SIGLEC11: variants seen among roughly 807,000 people sequenced by gnomAD.
SIGLEC11 encodes the protein sialic acid binding Ig like lectin 11, also known as sialic acid-binding Ig-like lectin 11.
In SIGLEC11, 47 loss-of-function variants were observed where a neutral mutation model predicts 61.2. The observed-to-expected ratio is 0.77, with a 90% CI of 0.61 to 0.98. The LOEUF is 0.98. Ranked by LOEUF, SIGLEC11 falls within the 50% of genes least tolerant of loss-of-function variation. The pLI, the probability that SIGLEC11 is intolerant of heterozygous loss-of-function variation, is 0.00. For missense variants in SIGLEC11, 610 were observed against 870.3 expected (o/e 0.70, Z 3.76); for synonymous variants, 278 against 373.1 (o/e 0.75, Z 2.94).
chr19:49,955,808 G>A lies in SIGLEC11; in HGVS notation c.1651+2475C>T, dbSNP rs373651322. 1.2e-4 allele frequency among the ~76,000 whole-genome samples: 18 copies of A among 152,092 alleles called. No individual in the cohort carries two copies. Among genetic ancestry groups the A allele is most frequent in the Middle Eastern group, 3.4e-3 (1 of 294 alleles). ...AAATTAGCCGGGCTTGGTGGCGGGC[G>A]CCTGTAGTCCCAGCTACTCGGGAGG... On this transcript the variant is annotated intron_variant, in intron 8 of 10. Coordinates refer to ENST00000447370, the MANE Select transcript of SIGLEC11 (RefSeq NM_052884.3). The surrounding 1 kb of genome is among the most constrained non-coding windows in gnomAD (Gnocchi z 4.5).
intron 8 of SIGLEC11, among the ~76,000 whole-genome samples, 153 bp downstream of exon 8, chr19:49,958,130 A>G (rs2076210735): frequency 6.6e-6 from 1 of 152,186 alleles, no homozygotes. Flanking sequence ...TCCGTTCCTC[A>G]GTTTCCCGCA....
chr19:49,950,259 G>C, intron 10 of SIGLEC11, 23 bp from the exon 11 acceptor site: 1 of 1,531,622 alleles, frequency 6.5e-7, no homozygotes, highest in South Asian at 1.2e-5. Context: ...GAGAAAGGGG[G>C]TCAAATTAGG....
In SIGLEC11 at chr19:49,949,781, A is replaced by G. The variant is rs2076145998; in HGVS notation, c.*189T>C. 2 of 475,492 alleles carry G rather than the reference A, an allele frequency of 4.2e-6. No homozygotes were observed. Among genetic ancestry groups the G allele is most frequent in the Non-Finnish European group, 6.6e-6 (2 of 300,984 alleles). 29.5% of individuals were successfully genotyped at this position (475,492 alleles called of 1,614,324 possible). A position where few individuals can be genotyped will look rare whatever the true frequency, so the allele number is the denominator to read the frequency against. ...CACTTCAACCTGGCAGGTTGAGGCT[A>G]CAGTGAGCTGAGATTGCACCACTGG... On this transcript the variant is annotated 3_prime_UTR_variant, in exon 11 of 11. Coordinates refer to ENST00000447370, the MANE Select transcript of SIGLEC11 (RefSeq NM_052884.3).
intron 8 of SIGLEC11, among the ~76,000 whole-genome samples, chr19:49,958,070 G>A (rs2076210398): frequency 6.6e-6 from 1 of 152,008 alleles, no homozygotes; most frequent in Admixed American, 6.6e-5. Context: ...AATCCACTAA[G>A]CTGGAACTTA....
rs777031381 is a variant in SIGLEC11 at position 49,958,349 on chromosome 19, T to C, written c.1585A>G (p.Arg529Gly). 4 of 1,614,202 alleles carry C rather than the reference T, an allele frequency of 2.5e-6. No individual in the cohort carries two copies. In the Admixed American group the frequency reaches 5.0e-5, roughly 20 times the overall value. ...SLHGGLSSGL[R>G]LRCKAWNVHG... ...ACGTTCCAGGCCTTACAGCGGAGCC[T>C]GAGGCCGGAGCTGAGCCCTCCATGG... Residue 529 changes from arginine to glycine, a missense_variant, in exon 8 of 11, where the codon AGG (arginine) becomes GGG (glycine). By Grantham distance (125) the Arg-to-Gly change is moderately radical (BLOSUM62 -2). Transcript: ENST00000447370.
At position 49,952,392 on chromosome 19, in the gene SIGLEC11, T is replaced by C; in HGVS notation, c.1654A>G (p.Lys552Glu). Residue 552 changes from lysine to glutamate, a missense_variant and splice_region_variant, in exon 9 of 11, where the codon AAG becomes GAG. By Grantham distance (56) the Lys-to-Glu change is moderately conservative. Transcript: ENST00000447370. ...CCAAGTCCTCCCCCATGCTCCAGCTTCCCTGCATGGGAGCAGGGTTTGGGG... is the reference window on the plus strand; with the variant it reads ...CCAAGTCCTCCCCCATGCTCCAGCTCCCCTGCATGGGAGCAGGGTTTGGGG... ...SGSVFQLLPG[K>E]LEHGGGLGLG... The C allele has an allele frequency of 6.2e-7, 1 of 1,604,840 alleles. No individual in the cohort carries two copies. The highest frequency in any genetic ancestry group is 8.5e-7 in the Non-Finnish European group (1 of 1,179,516).
chr19:49,955,791 C>T lies in SIGLEC11; in HGVS notation c.1651+2492G>A, dbSNP rs149359449. Among the ~76,000 whole-genome samples the T allele has an allele frequency of 5.1e-3, 781 of 152,100 alleles. 7 individuals are homozygous for T. Among genetic ancestry groups the T allele is most frequent in the African/African-American group, 0.017 (725 of 41,492 alleles). On this transcript the variant is annotated intron_variant, in intron 8 of 10. Transcript: ENST00000447370. The surrounding 1 kb of genome is among the most constrained non-coding windows in gnomAD (Gnocchi z 4.5). ...CTAGTAAAAATACAAAAAAATTAGC[C>T]GGGCTTGGTGGCGGGCGCCTGTAGT...
chr19:49,954,813 C>G (rs2076184700), intron 8 of SIGLEC11, among the ~76,000 whole-genome samples: 1 of 152,142 alleles, frequency 6.6e-6, no homozygotes, highest in Non-Finnish European at 1.5e-5. Flanking sequence ...CAGGCATACA[C>G]TCAAGGTCAG....
intron 10 of SIGLEC11, among the ~76,000 whole-genome samples, chr19:49,950,744 C>T (rs1477292374): frequency 2.0e-5 from 3 of 152,166 alleles, no homozygotes; most frequent in African/African-American, 4.8e-5. Context: ...GAAGTAGACA[C>T]ATTAAAGCTA....
Position 49,955,892 on chromosome 19 carries a change from G to A in SIGLEC11, c.1651+2391C>T, listed in dbSNP as rs965958485. On this transcript the variant is annotated intron_variant, in intron 8 of 10. Transcript: ENST00000447370. This position sits in a 1 kb window ranked among gnomAD's most constrained non-coding sequence, Gnocchi z 4.5. Reference sequence around the variant, plus strand: ...GGAGCTTGCAGTGAGCAGAGATGGCGCCACTGCACTCCAGCCAGGGCAACA... The same window carrying A: ...GGAGCTTGCAGTGAGCAGAGATGGCACCACTGCACTCCAGCCAGGGCAACA... 4.1e-5 allele frequency among the ~76,000 whole-genome samples: 6 copies of A among 147,374 alleles called. No homozygotes were observed. Among genetic ancestry groups the A allele is most frequent in the African/African-American group, 1.3e-4 (5 of 39,334 alleles).
chr19:49,961,171 C>T lies in SIGLEC11; in HGVS notation c.-90G>A, dbSNP rs1326448079. ...GTGACCATCCACAGAGGAGGAGCCTCGGGAACCGCTATGTCCTGAAAGCTC... is the reference window on the plus strand; with the variant it reads ...GTGACCATCCACAGAGGAGGAGCCTTGGGAACCGCTATGTCCTGAAAGCTC... On this transcript the variant is annotated 5_prime_UTR_variant, in exon 1 of 11. Coordinates refer to ENST00000447370, the MANE Select transcript of SIGLEC11 (RefSeq NM_052884.3). The T allele has an allele frequency of 2.2e-5, 33 of 1,512,454 alleles. No individual in the cohort carries two copies. The highest frequency in any genetic ancestry group is 2.4e-5 in the East Asian group (1 of 40,828). The allele number at this position is 1,512,454 out of a possible 1,614,324, so 93.7% of individuals were successfully genotyped here.
At position 49,949,284 on chromosome 19, in the gene SIGLEC11, C is replaced by G. The variant is rs62126306; in HGVS notation, c.*686G>C. ...TACAGGCGTGAGCCACCATGCCCAG[C>G]CTTTTTTTTTTTTTTAAATGTTCAA... On this transcript the variant is annotated 3_prime_UTR_variant, in exon 11 of 11. Transcript: ENST00000447370. 1 of 149,542 alleles carries G rather than the reference C, an allele frequency of 6.7e-6. No individual in the cohort carries two copies. Among genetic ancestry groups the G allele is most frequent in the Non-Finnish European group, 1.5e-5 (1 of 67,900 alleles). The allele number at this position is 149,542 out of a possible 1,614,324, so 9.3% of individuals were successfully genotyped here.
At position 49,958,889 on chromosome 19, in the gene SIGLEC11, G is replaced by A; in HGVS notation, c.1117C>T (p.Leu373Phe). ...ACCGGGAGGGATGTGCCGTTCCCGAGGTTTTCCAGGACTAGGGAAGGAAGA... is the reference window on the plus strand; with the variant it reads ...ACCGGGAGGGATGTGCCGTTCCCGAAGTTTTCCAGGACTAGGGAAGGAAGA... ...SQANRTVLEN[L>F]GNGTSLPVLE... The change falls in exon 7 of 11, where the codon CTC becomes TTC. Residue 373 changes from leucine to phenylalanine, a missense_variant. Coordinates refer to ENST00000447370, the MANE Select transcript of SIGLEC11 (RefSeq NM_052884.3). The A allele has an allele frequency of 1.2e-6, 2 of 1,600,996 alleles. No homozygotes were observed. Among genetic ancestry groups the A allele is most frequent in the South Asian group, 1.1e-5 (1 of 89,540 alleles).
chr19:49,952,427 C>T lies in SIGLEC11; in HGVS notation c.1652-33G>A, dbSNP rs1456739334. ...GGAGCAGGGTTTGGGGTGGTGCCCT[C>T]CTGGCCCTGAGACCCTCCTGCCCCT... On this transcript the variant is annotated intron_variant, in intron 8 of 10. Coordinates refer to ENST00000447370, the MANE Select transcript of SIGLEC11 (RefSeq NM_052884.3). The T allele has an allele frequency of 2.6e-6, 4 of 1,565,048 alleles. No homozygotes were observed. The South Asian group carries it at 4.5e-5, about 18-fold the overall frequency.
Position 49,958,772 on chromosome 19 carries a change from G to A in SIGLEC11, c.1234C>T (p.Pro412Ser), listed in dbSNP as rs2076218354. ...SWTRWGQTVG[P>S]SQPSDPGVLE... ...ACCCCGGGGTCTGAGGGCTGGGAGG[G>A]GCCCACGGTCTGTCCCCACCGGGTC... Residue 412 changes from proline to serine, a missense_variant, in exon 7 of 11, where the codon CCC becomes TCC. By Grantham distance (74) the Pro-to-Ser change is moderately conservative. This residue lies in a region of SIGLEC11 where 432 missense variants were observed against 441.5 expected (regional missense o/e 0.98). Coordinates refer to ENST00000447370, the MANE Select transcript of SIGLEC11 (RefSeq NM_052884.3). The A allele has an allele frequency of 6.2e-7, 1 of 1,613,826 alleles. No homozygotes were observed. Among genetic ancestry groups the A allele is most frequent in the Non-Finnish European group, 8.5e-7 (1 of 1,179,878 alleles).
At chr19:49,952,096 G>A (rs2076162181) in intron 9 of SIGLEC11, 124 bp from the exon 10 acceptor site, 1 of 1,066,726 alleles carries the variant, frequency 9.4e-7, no homozygotes, top group Non-Finnish European at 1.3e-6. Flanking sequence ...CATATCCACG[G>A]GGTGACTTCC....
Position 49,959,131 on chromosome 19 carries a change from T to C in SIGLEC11, c.1058-54A>G, listed in dbSNP as rs1238198848. On this transcript the variant is annotated intron_variant, in intron 5 of 10. Transcript: ENST00000447370. ...GACAGACCAGGGGCTTCCCTCTGGG[T>C]AAAGGGAACTATCCTGGACACTGAG... The C allele has an allele frequency of 1.9e-4, 302 of 1,604,140 alleles. 1 individual carries two copies. In the East Asian group the frequency reaches 3.2e-3, roughly 17 times the overall value.
rs185501022 is a variant in SIGLEC11 at position 49,952,007 on chromosome 19, C to G, written c.1749-35G>C. 3 of 1,582,276 alleles carry G rather than the reference C, an allele frequency of 1.9e-6. No homozygotes were observed. The Admixed American group carries it at 5.3e-5, about 28-fold the overall frequency. The stretch of plus-strand genomic sequence containing the variant: ...GAGGCAGTGCCCTTCAGCCTCCAGG[C>G]TGGTCCAGAGCCTGGGGAAACTGCT... On this transcript the variant is annotated intron_variant, in intron 9 of 10. Coordinates refer to ENST00000447370, the MANE Select transcript of SIGLEC11 (RefSeq NM_052884.3).
Position 49,958,506 on chromosome 19 carries a change from G to A in SIGLEC11, c.1428C>T (p.Ser476=). ...GAGAGGGGGCCGGGCTGGCCTGGGA[G>A]GAGCAGCTGCAGTGCAGACCCTCAG... ...WEAEGLHCSC[S]SQASPAPSLR... is the part of the protein sequence containing the mutation. Residue 476 remains serine, a synonymous_variant, in exon 8 of 11, where the codon TCC becomes TCT. Coordinates refer to ENST00000447370, the MANE Select transcript of SIGLEC11 (RefSeq NM_052884.3). 6.2e-7 allele frequency: 1 copy of A among 1,608,926 alleles called. No homozygotes were observed. The highest frequency in any genetic ancestry group is 8.5e-7 in the Non-Finnish European group (1 of 1,178,132).
Sources: gnomAD v4.1 joint callset for allele counts (sites outside exome capture counted in the v4.1 genomes callset) on GRCh38, gnomAD v4.1.1 for gene constraint, gnomAD v4.1.1 regional missense constraint, Gnocchi (gnomAD v3.1) non-coding constraint, MANE v1.5 for transcripts, NCBI Gene and HGNC (gene_info 2026-07-23, HGNC 2026-07-21) for gene names.